The following BSPRY variants were observed in gnomAD, a reference collection of about 807,000 sequenced individuals.
BSPRY encodes B box and SPRY domain-containing protein.
Under a neutral mutation model 38.0 loss-of-function variants are expected in BSPRY, and 33 were observed. The ratio of observed to expected loss-of-function variants is 0.87; its 90% CI spans 0.66 to 1.16. The LOEUF is 1.16. Among genes scored for constraint, BSPRY ranks in the 50% most tolerant of loss-of-function variants. The pLI is 0.00. For missense variants in BSPRY, 523 were observed against 533.2 expected (o/e 0.98, Z 0.19); for synonymous variants, 224 against 228.5 (o/e 0.98, Z 0.18).
Position 113,354,304 on chromosome 9 carries a change from CG to C in BSPRY, c.268del (p.Asp90ThrfsTer11). On this transcript the variant is annotated frameshift_variant, in exon 2 of 6. Coordinates refer to ENST00000374183, the MANE Select transcript of BSPRY (RefSeq NM_017688.3). LOFTEE classifies it high-confidence loss of function. The stretch of plus-strand genomic sequence containing the variant: ...AGTGCTGCCATCACCAAGTATGTGG[CG>C]GACGTCCTGCCGGGGAAGAATCAAA... ...LQSAAITKYV[A>X]DVLPGKNQRA... The C allele has an allele frequency of 6.2e-7, 1 of 1,614,052 alleles. No individual in the cohort carries two copies. The highest frequency in any genetic ancestry group is 8.5e-7 in the Non-Finnish European group (1 of 1,179,976).
chr9:113,356,266 A>G (rs1834056201), intron 2 of BSPRY, among the ~76,000 whole-genome samples: 1 of 152,138 alleles, frequency 6.6e-6, no homozygotes, highest in Admixed American at 6.5e-5. Context: ...GCACTTTAGG[A>G]GGCTGAGGCG....
chr9:113,359,043 GAAAAGAAAAA>G (rs113414658), intron 2 of BSPRY, among the ~76,000 whole-genome samples: 44,508 of 146,232 alleles, frequency 0.3, 7,620 homozygotes, highest in African/African-American at 0.47. Flanking sequence ...GAAAAGAAAA[GAAAAGAAAAA>G]AAAAAGATAA....
intron 1 of BSPRY, 123 bp from the exon 2 acceptor site, chr9:113,354,117 G>A: frequency 1.4e-6 from 1 of 705,248 alleles, no homozygotes; most frequent in Non-Finnish European, 2.5e-6. Context: ...TGATAATGAT[G>A]AGATCTGGGC....
chr9:113,351,295 C>G (rs1200336601), intron 1 of BSPRY, among the ~76,000 whole-genome samples: 1 of 152,116 alleles, frequency 6.6e-6, no homozygotes, highest in South Asian at 2.1e-4. Flanking sequence ...TCTCTTCCAC[C>G]AAATTAGAGT....
chr9:113,368,144 A>G (rs1834280921), intron 4 of BSPRY, 115 bp from the exon 5 acceptor site: 13 of 1,370,990 alleles, frequency 9.5e-6, no homozygotes, highest in Admixed American at 5.6e-5. Flanking sequence ...CTAGCTGCCA[A>G]TCTTGGTATC....
chr9:113,369,222 G>A (rs1834300361), intron 5 of BSPRY, among the ~76,000 whole-genome samples: 1 of 152,156 alleles, frequency 6.6e-6, no homozygotes, highest in Non-Finnish European at 1.5e-5. Context: ...AGTATAATCA[G>A]TGCTACGTAT....
intron 3 of BSPRY, among the ~76,000 whole-genome samples, chr9:113,362,097 G>A (rs1247005781): frequency 2.6e-5 from 4 of 152,074 alleles, no homozygotes; most frequent in Non-Finnish European, 4.4e-5. Context: ...ACAGGCGATG[G>A]TCCTGAGTGG....
intron 2 of BSPRY, 42 bp from the exon 3 acceptor site, chr9:113,360,465 C>G: frequency 6.4e-7 from 1 of 1,550,576 alleles, no homozygotes; most frequent in Non-Finnish European, 8.7e-7. Context: ...CTGACCGGGG[C>G]TTTGCACAGA....
chr9:113,356,252 C>T (rs1834055978), intron 2 of BSPRY, among the ~76,000 whole-genome samples: 1 of 152,170 alleles, frequency 6.6e-6, no homozygotes, highest in Admixed American at 6.5e-5. Flanking sequence ...TGCCTGTAAT[C>T]CCAGCACTTT....
rs1189368424 is a variant in BSPRY at position 113,360,743 on chromosome 9, T to G, written c.531+6T>G. 6.4e-7 allele frequency: 1 copy of G among 1,573,086 alleles called. No homozygotes were observed. Among genetic ancestry groups the G allele is most frequent in the Admixed American group, 1.8e-5 (1 of 54,096 alleles). ...TGGATGACCTCCAGCTGATTGTAAG[T>G]CAGGCAAGGGTGAGGGCATGACCAG... On this transcript the variant is annotated splice_donor_region_variant and intron_variant, in intron 3 of 5. Transcript: ENST00000374183.
chr9:113,365,802 C>CTTTTTTT (rs139762130), intron 4 of BSPRY, among the ~76,000 whole-genome samples: 2 of 106,742 alleles, frequency 1.9e-5, no homozygotes, highest in African/African-American at 3.7e-5. Flanking sequence ...GTCACAGCTT[C>CTTTTTTT]TTTTTTTTTT....
chr9:113,362,550 C>G (rs530153340), intron 4 of BSPRY, among the ~76,000 whole-genome samples, 156 bp downstream of exon 4: 50 of 152,350 alleles, frequency 3.3e-4, no homozygotes, highest in African/African-American at 1.0e-3. Context: ...GGGAATGTCT[C>G]TGCCCTTGGC....
chr9:113,349,968 T>A (rs1390061031), intron 1 of BSPRY, among the ~76,000 whole-genome samples, 188 bp downstream of exon 1: 1 of 152,210 alleles, frequency 6.6e-6, no homozygotes, highest in Non-Finnish European at 1.5e-5. Flanking sequence ...CAGGCTGGCC[T>A]GAGTTCGAAT....
rs147884197 is a variant in BSPRY at position 113,366,242 on chromosome 9, T to C, written c.558-2017T>C. On this transcript the variant is annotated intron_variant, in intron 4 of 5. Transcript: ENST00000374183. ...CATCAGTATTTGCTCAGTCCTACAA[T>C]ACATACAAAGTTGTCCGAGCATTGC... Among the ~76,000 whole-genome samples the C allele has an allele frequency of 1.5e-3, 231 of 152,362 alleles. 2 individuals are homozygous for C. Among genetic ancestry groups the C allele is most frequent in the African/African-American group, 5.1e-3 (214 of 41,574 alleles).
chr9:113,353,070 C>A (rs1056045686), intron 1 of BSPRY, among the ~76,000 whole-genome samples: 4 of 152,126 alleles, frequency 2.6e-5, no homozygotes, highest in Admixed American at 2.6e-4. Flanking sequence ...TGACGGAGGA[C>A]CAAGAGTGTG....
chr9:113,355,768 C>G (rs894179651), intron 2 of BSPRY, among the ~76,000 whole-genome samples: 1 of 150,764 alleles, frequency 6.6e-6, no homozygotes, highest in Non-Finnish European at 1.5e-5. Flanking sequence ...GCGCCCACCA[C>G]GACACCCAGC....
chr9:113,365,565 T>C (rs1463993186), intron 4 of BSPRY, among the ~76,000 whole-genome samples: 1 of 152,200 alleles, frequency 6.6e-6, no homozygotes, highest in Admixed American at 6.5e-5. Context: ...AACTTGTGCT[T>C]TTCCTGCCCC....
rs1308904892 is a variant in BSPRY at position 113,349,780 on chromosome 9, G to A, written c.201G>A (p.Arg67=). ...RRAEERAEEL[R]NKIVDQCERL... is the part of the protein sequence containing the mutation. ...CGGAGGAGCGCGCCGAGGAGCTGCG[G>A]GTGAGCGGGTGTGGGCGCCGGAAGG... Residue 67 remains arginine, a splice_region_variant and synonymous_variant, in exon 1 of 6, where the codon CGG becomes CGA. Transcript: ENST00000374183. 1.6e-6 allele frequency: 2 copies of A among 1,231,870 alleles called. No homozygotes were observed. The highest frequency in any genetic ancestry group is 3.3e-5 in the East Asian group (1 of 30,166). The allele number at this position is 1,231,870 out of a possible 1,614,324, so 76.3% of individuals were successfully genotyped here.
intron 2 of BSPRY, among the ~76,000 whole-genome samples, chr9:113,357,646 C>G (rs537689029): frequency 6.6e-6 from 1 of 152,086 alleles, no homozygotes; most frequent in African/African-American, 2.4e-5. Flanking sequence ...GACTGTTAGT[C>G]TTTAGAACCA....
Sources: allele counts gnomAD v4.1 joint callset (sites outside exome capture counted in the v4.1 genomes callset), GRCh38; gene constraint gnomAD v4.1.1; transcripts MANE v1.5; gene names NCBI Gene and HGNC (gene_info 2026-07-23, HGNC 2026-07-21).